RPS3A: variants seen among roughly 807,000 people sequenced by gnomAD.
RPS3A encodes the protein ribosomal protein S3A.
A neutral mutation model predicts 26.4 loss-of-function variants in RPS3A; 1 was observed. The ratio of observed to expected loss-of-function variants is 0.04; its 90% CI spans 0.01 to 0.18. The LOEUF (loss-of-function observed/expected upper bound fraction) is 0.18. Ranked by LOEUF, RPS3A falls within the 10% of genes least tolerant of loss-of-function variation. The probability of loss-of-function intolerance (pLI) is 1.00; values close to 1 mark genes in which losing one functional copy is unlikely to be tolerated. For synonymous variants in RPS3A, 97 were observed against 106.1 expected (o/e 0.91, Z 0.53); for missense variants, 139 against 326.8 (o/e 0.43, Z 4.43).
chr4:151,099,733 G>A lies in RPS3A; in HGVS notation c.62+19G>A, dbSNP rs1193265348. The A allele has an allele frequency of 7.5e-6, 12 of 1,607,366 alleles. No homozygotes were observed. Among genetic ancestry groups the A allele is most frequent in the Non-Finnish European group, 1.0e-5 (12 of 1,176,804 alleles). On this transcript the variant is annotated intron_variant, in intron 1 of 5. Transcript: ENST00000274065. ...AGAAAGTGTAAGTCGCGACTGTCGT[G>A]GCGTCTTGCTTTTTGGGGGTCTGCT...
Position 151,103,057 on chromosome 4 carries a change from T to C in RPS3A, c.541T>C (p.Leu181=), listed in dbSNP as rs1465089404. The change falls in exon 4 of 6, where the codon TTG becomes CTG. Residue 181 remains leucine (L), a synonymous_variant. Transcript: ENST00000274065. The part of the protein sequence containing the change: ...IMTREVQTND[L]KEVVNKLIPD... ...GACCCGAGAGGTGCAGACAAATGAC[T>C]TGAAAGAAGTGGTCAATAAATTGTA... 8 of 1,599,036 alleles carry C rather than the reference T, an allele frequency of 5.0e-6. No homozygotes were observed. The highest frequency in any genetic ancestry group is 6.8e-6 in the Non-Finnish European group (8 of 1,179,456).
intron 3 of RPS3A, chr4:151,102,605 G>A (rs1030324638): frequency 4.4e-6 from 2 of 450,544 alleles, no homozygotes; most frequent in East Asian, 4.4e-5. Context: ...TTTGGATGCC[G>A]TCAAGATAGT....
chr4:151,101,626 GTTTC>G (rs1200234243), intron 3 of RPS3A, among the ~76,000 whole-genome samples: 7 of 152,126 alleles, frequency 4.6e-5, no homozygotes, highest in Non-Finnish European at 1.0e-4. Context: ...CTAAGCCTCG[GTTTC>G]TTTATTTGTA....
At chr4:151,104,136 C>T (rs750953265) in intron 4 of RPS3A, 41 bp from the exon 5 acceptor site, 2 of 1,553,210 alleles carry the variant, frequency 1.3e-6, no homozygotes, top group Non-Finnish European at 8.7e-7. Flanking sequence ...TATCTGAGAA[C>T]TAGGACTTTT....
At chr4:151,101,972 A>T (rs549352484) in intron 3 of RPS3A, 2 of 471,494 alleles carry the variant, frequency 4.2e-6, no homozygotes, top group East Asian at 1.3e-4. Context: ...ACTTCAAGTG[A>T]TCTGCCCGCC....
intron 4 of RPS3A, chr4:151,103,428 A>G: frequency 1.2e-6 from 1 of 814,074 alleles, no homozygotes; most frequent in Non-Finnish European, 1.5e-6. Context: ...TAATTTTTTT[A>G]AATTTTTAGT....
intron 2 of RPS3A, 49 bp from the exon 3 acceptor site, chr4:151,100,926 T>C (rs762579685): frequency 7.5e-7 from 1 of 1,341,360 alleles, no homozygotes; most frequent in Non-Finnish European, 1.0e-6. Context: ...GGCTTGACTT[T>C]GCTTATATGG....
rs1233703776 is a variant in RPS3A, at chr4:151,104,279, G to A, written c.666G>A (p.Lys222=). 1.2e-6 allele frequency: 2 copies of A among 1,612,544 alleles called. No homozygotes were observed. Among genetic ancestry groups the A allele is most frequent in the Non-Finnish European group, 1.7e-6 (2 of 1,179,704 alleles). Residue 222 remains lysine (K), a synonymous_variant, in exon 5 of 6, where the codon AAG becomes AAA. Transcript: ENST00000274065. The stretch of plus-strand genomic sequence containing the variant: ...AAGTAAAAATGCTGAAGAAGCCCAA[G>A]TTTGAATGTAAGTGAGAAATCACAT... ...VRKVKMLKKP[K]FELGKLMELH...
At chr4:151,100,151 A>G (rs1747055229) in intron 1 of RPS3A, among the ~76,000 whole-genome samples, 1 of 152,212 alleles carries the variant, frequency 6.6e-6, no homozygotes, top group African/African-American at 2.4e-5. Context: ...AGTTACCAGT[A>G]CATGCCATTA....
chr4:151,099,869 C>G, intron 1 of RPS3A, 155 bp downstream of exon 1: 4 of 646,688 alleles, frequency 6.2e-6, no homozygotes, highest in South Asian at 1.5e-5. Context: ...CCTGGAGGGT[C>G]GGTGTTGAGT....
Position 151,103,344 on chromosome 4 carries a change from C to T in RPS3A, c.563+265C>T, listed in dbSNP as rs542647318. The T allele has an allele frequency of 2.1e-3, 1,282 of 618,154 alleles. 3 individuals are homozygous for T. The highest frequency in any genetic ancestry group is 2.7e-3 in the Non-Finnish European group (1,174 of 442,806). 38.3% of individuals were successfully genotyped at this position (618,154 alleles called of 1,614,324 possible). ...CCTTGGCTCACTGTAACCACTGCTT[C>T]CTGGGTTCAAGCAGTTCTTGAGCCT... On this transcript the variant is annotated intron_variant, in intron 4 of 5. Coordinates refer to ENST00000274065, the MANE Select transcript of RPS3A (RefSeq NM_001006.5).
chr4:151,099,925 C>G, intron 1 of RPS3A: 2 of 559,382 alleles, frequency 3.6e-6, no homozygotes, highest in Non-Finnish European at 3.4e-6. Flanking sequence ...TCCTTGCGCG[C>G]GTCGCGTTTG....
intron 4 of RPS3A, 68 bp from the exon 5 acceptor site, chr4:151,104,109 T>C (rs996551762): frequency 1.7e-4 from 241 of 1,452,428 alleles, no homozygotes; most frequent in Non-Finnish European, 2.1e-4. Flanking sequence ...TTCTCTACTT[T>C]TAAAGGAAAT....
chr4:151,103,681 TGTTTGAGCCCAGGA>T (rs1360824122), intron 4 of RPS3A: 9 of 1,086,174 alleles, frequency 8.3e-6, no homozygotes, highest in South Asian at 2.2e-5. Context: ...GTGGTAGGAT[TGTTTGAGCCCAGGA>T]GTTTGAGGCC....
chr4:151,100,110 C>T (rs1003354283), intron 1 of RPS3A: 1 of 517,916 alleles, frequency 1.9e-6, no homozygotes, highest in Non-Finnish European at 3.7e-6. Context: ...TCTGCGAGCT[C>T]CTGCTAAGCT....
chr4:151,102,107 C>T, intron 3 of RPS3A: 1 of 516,648 alleles, frequency 1.9e-6, no homozygotes, highest in South Asian at 1.4e-5. Context: ...ACTGATTATA[C>T]CATTATATTT....
chr4:151,102,095 A>G, intron 3 of RPS3A: 1 of 518,092 alleles, frequency 1.9e-6, no homozygotes, highest in Non-Finnish European at 3.9e-6. Flanking sequence ...CAAATGATAC[A>G]TACTGATTAT....
In RPS3A at chr4:151,099,658, G is replaced by A. The variant is rs1053381863; in HGVS notation, c.6G>A (p.Ala2=). The A allele has an allele frequency of 1.9e-6, 3 of 1,613,850 alleles. No individual in the cohort carries two copies. In the South Asian group the frequency reaches 3.3e-5, roughly 18 times the overall value. Residue 2 remains alanine (A), a synonymous_variant, in exon 1 of 6, where the codon GCG becomes GCA. Transcript: ENST00000274065. ...TTGGCTCTCTGACCAGCACCATGGC[G>A]GTTGGCAAGAACAAGCGCCTTACGA... M[A]VGKNKRLTKG... is the part of the protein sequence containing the mutation.
chr4:151,099,644 A>G lies in RPS3A; in HGVS notation c.-9A>G. The G allele has an allele frequency of 6.2e-7, 1 of 1,613,712 alleles. No homozygotes were observed. Among genetic ancestry groups the G allele is most frequent in the Non-Finnish European group, 8.5e-7 (1 of 1,179,920 alleles). ...CCACTTCCGCCCTTTTGGCTCTCTGACCAGCACCATGGCGGTTGGCAAGAA... is the reference window on the plus strand; with the variant it reads ...CCACTTCCGCCCTTTTGGCTCTCTGGCCAGCACCATGGCGGTTGGCAAGAA... On this transcript the variant is annotated 5_prime_UTR_variant, in exon 1 of 6. Coordinates refer to ENST00000274065, the MANE Select transcript of RPS3A (RefSeq NM_001006.5).
Sources: allele counts gnomAD v4.1 joint callset (sites outside exome capture counted in the v4.1 genomes callset), GRCh38; gene constraint gnomAD v4.1.1; transcripts MANE v1.5; gene names NCBI Gene and HGNC (gene_info 2026-07-23, HGNC 2026-07-21).